The following MYO18B variants were observed in gnomAD, a reference collection of about 807,000 sequenced individuals.
MYO18B encodes myosin XVIIIB.
Under a neutral mutation model 273.0 loss-of-function variants are expected in MYO18B, and 204 were observed. That is an observed-to-expected ratio of 0.75 (90% CI 0.67 to 0.84). The LOEUF (loss-of-function observed/expected upper bound fraction) is 0.84, where lower values mean the gene tolerates loss of function less well. Ranked by LOEUF, MYO18B falls within the 40% of genes least tolerant of loss-of-function variation. The pLI is 0.00. For missense variants in MYO18B, 3,212 were observed against 3,287.6 expected, an observed-to-expected ratio of 0.98 and a Z score of 0.56; for synonymous variants, 1,330 against 1,305.7, an observed-to-expected ratio of 1.02 and a Z score of -0.40.
chr22:25,892,503 C>G (rs1335336815), intron 27 of MYO18B: 2 of 152,200 alleles, frequency 1.3e-5, no homozygotes, highest in East Asian at 3.8e-4. Flanking sequence ...CACCGTGCCT[C>G]TTACTCTCCC....
intron 39 of MYO18B, among the ~76,000 whole-genome samples, chr22:25,973,069 T>A (rs1259430188): frequency 1.3e-5 from 2 of 152,204 alleles, no homozygotes; most frequent in Admixed American, 1.3e-4. Context: ...GATTTGTTTT[T>A]TTGCTTCTAG....
chr22:26,054,431 T>C, the MYO18B span, among the ~76,000 whole-genome samples: 113 of 152,262 alleles, frequency 7.4e-4, 1 homozygote, highest in Admixed American at 7.2e-3. Context: ...CCTGTTACTA[T>C]GATTAATTTG....
the MYO18B span, among the ~76,000 whole-genome samples, chr22:26,041,371 AAC>A: frequency 6.0e-5 from 9 of 150,564 alleles, no homozygotes; most frequent in South Asian, 2.1e-4. Flanking sequence ...AAAAAAAAAA[AAC>A]AAAACTAGAA....
chr22:26,001,391 A>G (rs1211711631), intron 40 of MYO18B, among the ~76,000 whole-genome samples: 1 of 152,218 alleles, frequency 6.6e-6, no homozygotes, highest in Non-Finnish European at 1.5e-5. Context: ...AACTCCTGCA[A>G]GGTCTGAAGG....
rs1451151732 is a variant in MYO18B, at chr22:25,832,956, C to A, written c.3019C>A (p.Pro1007Thr). 6.8e-6 allele frequency: 11 copies of A among 1,613,746 alleles called. No individual in the cohort carries two copies. Among genetic ancestry groups the A allele is most frequent in the African/African-American group, 2.7e-5 (2 of 74,876 alleles). The change falls in exon 16 of 44, where the codon CCA (proline) becomes ACA (threonine). Residue 1007 changes from proline to threonine, a missense_variant. Coordinates refer to ENST00000335473, the MANE Select transcript of MYO18B (RefSeq NM_032608.7). ...GCAGTTTGACCTCCCGGACCCCTCC[C>A]CAGGGACCACCGTGGCTGTTGTGGA... ...PVQFDLPDPS[P>T]GTTVAVVDQN...
At chr22:26,044,065 A>G in the MYO18B span, among the ~76,000 whole-genome samples, 1 of 152,094 alleles carries the variant, frequency 6.6e-6, no homozygotes, top group Admixed American at 6.5e-5. Context: ...TGTGTTTTTA[A>G]TTGGCATTTT....
At position 25,831,276 on chromosome 22, in the gene MYO18B, C is replaced by T. The variant is rs576448727; in HGVS notation, c.2980-1641C>T. 9.2e-5 allele frequency among the ~76,000 whole-genome samples: 14 copies of T among 152,314 alleles called. No individual in the cohort carries two copies. In the South Asian group the frequency reaches 2.7e-3, roughly 29 times the overall value. ...TGCAGTGGTTAGATCTGATTGTATT[C>T]CCTCTCCTATAGACATCAGGGTAGT... On this transcript the variant is annotated intron_variant, in intron 15 of 43. Coordinates refer to ENST00000335473, the MANE Select transcript of MYO18B (RefSeq NM_032608.7).
In MYO18B at chr22:25,768,455, C is replaced by A. The variant is rs1213414922; in HGVS notation, c.539C>A (p.Thr180Asn). Residue 180 changes from threonine to asparagine, a missense_variant, in exon 4 of 44, where the codon ACC becomes AAC. Thr to Asn is a moderately conservative substitution (Grantham distance 65). Coordinates refer to ENST00000335473, the MANE Select transcript of MYO18B (RefSeq NM_032608.7). Reference protein sequence around the residue: ...THPHDAPPCKTSPPATDTGKE... With the variant: ...THPHDAPPCKNSPPATDTGKE... ...CCCCATGACGCCCCCCCTTGCAAGA[C>A]CTCTCCCCCCGCCACAGATACTGGA... is the stretch of plus-strand genomic sequence containing the variant. 4 of 1,237,934 alleles carry A rather than the reference C, an allele frequency of 3.2e-6. No homozygotes were observed. Among genetic ancestry groups the A allele is most frequent in the Non-Finnish European group, 4.7e-6 (4 of 843,408 alleles). 76.7% of individuals were successfully genotyped at this position (1,237,934 alleles called of 1,614,324 possible).
intron 11 of MYO18B, among the ~76,000 whole-genome samples, chr22:25,789,835 T>C (rs920048008): frequency 6.6e-6 from 1 of 152,094 alleles, no homozygotes. Flanking sequence ...ATATTTTACA[T>C]AATTCATAAC....
chr22:26,034,840 C>G (rs1936748244), downstream of MYO18B, among the ~76,000 whole-genome samples: 1 of 152,194 alleles, frequency 6.6e-6, no homozygotes, highest in South Asian at 2.1e-4. Context: ...TCCAAAGGCA[C>G]TCAATAGCAA....
chr22:25,861,331 A>G (rs1030685056), intron 21 of MYO18B, among the ~76,000 whole-genome samples: 5 of 152,204 alleles, frequency 3.3e-5, no homozygotes, highest in African/African-American at 1.2e-4. Flanking sequence ...TTAGGTACAG[A>G]CATATTTATA....
intron 22 of MYO18B, 48 bp downstream of exon 22, chr22:25,868,433 C>T: frequency 1.4e-6 from 2 of 1,440,900 alleles, no homozygotes; most frequent in East Asian, 4.9e-5. Context: ...CATCAGGGAC[C>T]CAGAGATGAC....
chr22:26,013,079 C>T (rs752652925), intron 42 of MYO18B, among the ~76,000 whole-genome samples: 3 of 149,210 alleles, frequency 2.0e-5, no homozygotes, highest in Non-Finnish European at 4.4e-5. Flanking sequence ...AGTATGTCCT[C>T]TTTTGTGTCT....
At chr22:25,841,808 T>G (rs985142870) in intron 17 of MYO18B, among the ~76,000 whole-genome samples, 1 of 152,200 alleles carries the variant, frequency 6.6e-6, no homozygotes, top group Non-Finnish European at 1.5e-5. Flanking sequence ...GCTCTCCAGT[T>G]GCTTCTAGGA....
chr22:25,769,832 G>A (rs1003667274), intron 4 of MYO18B, among the ~76,000 whole-genome samples: 2 of 152,076 alleles, frequency 1.3e-5, no homozygotes, highest in African/African-American at 4.8e-5. Flanking sequence ...GCCAGGAGTG[G>A]GGCCCAGGAA....
At chr22:26,011,294 G>A (rs1934902831) in intron 42 of MYO18B, among the ~76,000 whole-genome samples, 1 of 152,068 alleles carries the variant, frequency 6.6e-6, no homozygotes, top group African/African-American at 2.4e-5. Flanking sequence ...ATGCAAGCCT[G>A]AGTGAGCCTG....
At chr22:26,025,317 C>T (rs1455198824) in intron 42 of MYO18B, among the ~76,000 whole-genome samples, 1 of 152,180 alleles carries the variant, frequency 6.6e-6, no homozygotes, top group African/African-American at 2.4e-5. Context: ...TTCTCCTAAA[C>T]TGTCCTGTGT....
At chr22:26,021,795 C>T (rs1416991908) in intron 42 of MYO18B, among the ~76,000 whole-genome samples, 1 of 152,198 alleles carries the variant, frequency 6.6e-6, no homozygotes, top group Non-Finnish European at 1.5e-5. Context: ...GTCATAATCC[C>T]TATCTCTCAG....
At chr22:25,867,901 G>C (rs2146140652) in intron 21 of MYO18B, among the ~76,000 whole-genome samples, 1 of 152,284 alleles carries the variant, frequency 6.6e-6, no homozygotes, top group East Asian at 1.9e-4. Context: ...AAAGTGCTGA[G>C]ATAACAGCCG....
Sources: gnomAD v4.1 joint callset for allele counts (sites outside exome capture counted in the v4.1 genomes callset) on GRCh38, gnomAD v4.1.1 for gene constraint, MANE v1.5 for transcripts, NCBI Gene and HGNC (gene_info 2026-07-23, HGNC 2026-07-21) for gene names.